The following DAAM1 variants were observed in gnomAD, a reference collection of about 807,000 sequenced individuals.
The protein encoded by DAAM1 is dishevelled associated activator of morphogenesis 1.
In DAAM1, 52 loss-of-function variants were observed where a neutral mutation model predicts 130.0. The observed-to-expected ratio is 0.40, with a 90% CI of 0.32 to 0.50. DAAM1 has a LOEUF of 0.50. DAAM1 is among the 20% of genes least tolerant of loss of function. The probability of loss-of-function intolerance (pLI) is 0.61; values close to 1 mark genes in which losing one functional copy is unlikely to be tolerated. For synonymous variants in DAAM1, 452 were observed against 444.5 expected, an observed-to-expected ratio of 1.02 and a Z score of -0.21; for missense variants, 1,134 against 1,303.8, an observed-to-expected ratio of 0.87 and a Z score of 2.01.
At chr14:59,337,006 C>A (rs986489631) in intron 15 of DAAM1, among the ~76,000 whole-genome samples, 1 of 152,170 alleles carries the variant, frequency 6.6e-6, no homozygotes, top group African/African-American at 2.4e-5. Context: ...CAGGCCTCTA[C>A]ACTAGAGGTC....
At chr14:59,190,874 G>A (rs1887711045) in intron 1 of DAAM1, among the ~76,000 whole-genome samples, 1 of 152,192 alleles carries the variant, frequency 6.6e-6, no homozygotes, top group African/African-American at 2.4e-5. Context: ...TGTGCCGTCA[G>A]GTTATATGGA....
chr14:59,231,585 G>A (rs1889108066), intron 1 of DAAM1, among the ~76,000 whole-genome samples: 1 of 152,128 alleles, frequency 6.6e-6, no homozygotes, highest in Non-Finnish European at 1.5e-5. Flanking sequence ...GACAGCCAGG[G>A]TTCAGATCTC....
At chr14:59,288,551 TC>T (rs1462082990) in intron 2 of DAAM1, among the ~76,000 whole-genome samples, 1 of 151,726 alleles carries the variant, frequency 6.6e-6, no homozygotes, top group African/African-American at 2.4e-5. Context: ...CTACAAGAAA[TC>T]AGCAAGCAAA....
chr14:59,310,262 G>A (rs565053463), intron 3 of DAAM1, among the ~76,000 whole-genome samples: 4 of 151,760 alleles, frequency 2.6e-5, no homozygotes, highest in East Asian at 1.9e-4. Flanking sequence ...GGCATGCGCC[G>A]CCATGCCCAG....
intron 3 of DAAM1, among the ~76,000 whole-genome samples, chr14:59,298,445 G>T (rs913091242): frequency 2.0e-5 from 3 of 152,082 alleles, no homozygotes; most frequent in African/African-American, 7.2e-5. Flanking sequence ...ACCTGTTTAG[G>T]CAATGACTCT....
chr14:59,195,750 G>GCCAACAA, intron 1 of DAAM1, among the ~76,000 whole-genome samples: 1 of 152,244 alleles, frequency 6.6e-6, no homozygotes, highest in South Asian at 2.1e-4. Context: ...TTCTGAGATA[G>GCCAACAA]GTTCTTATAT....
At chr14:59,272,310 G>C (rs1307448496) in intron 2 of DAAM1, among the ~76,000 whole-genome samples, 3 of 152,176 alleles carry the variant, frequency 2.0e-5, no homozygotes, top group Admixed American at 6.5e-5. Flanking sequence ...CAGGCACAGT[G>C]GCTCACACCT....
intron 23 of DAAM1, among the ~76,000 whole-genome samples, chr14:59,364,475 G>A (rs1334988959): frequency 6.6e-6 from 1 of 151,978 alleles, no homozygotes; most frequent in Non-Finnish European, 1.5e-5. Flanking sequence ...ATCTCAGGTT[G>A]TTTCCTCTTC....
chr14:59,256,254 G>A (rs1385736563), intron 1 of DAAM1, among the ~76,000 whole-genome samples: 2 of 152,162 alleles, frequency 1.3e-5, no homozygotes, highest in Admixed American at 1.3e-4. Flanking sequence ...AAAGTATTAG[G>A]GAGGGTTTTC....
intron 1 of DAAM1, among the ~76,000 whole-genome samples, chr14:59,248,083 A>C (rs1881473195): frequency 6.6e-6 from 1 of 152,232 alleles, no homozygotes; most frequent in Non-Finnish European, 1.5e-5. Context: ...CTGGCTTGGT[A>C]AGTGAGTAGG....
chr14:59,324,009 G>A, intron 6 of DAAM1, 119 bp from the exon 7 acceptor site: 1 of 564,196 alleles, frequency 1.8e-6, no homozygotes, highest in Non-Finnish European at 2.7e-6. Context: ...TCCAGCCTGG[G>A]CAACAGAGCA....
At chr14:59,193,054 A>AAAC (rs34240731) in intron 1 of DAAM1, among the ~76,000 whole-genome samples, 32,614 of 151,694 alleles carry the variant, frequency 0.21, 4,179 homozygotes, top group Non-Finnish European at 0.29. Flanking sequence ...CTCCGTCTCA[A>AAAC]AACAACAACA....
chr14:59,304,007 G>T (rs1884280188), intron 3 of DAAM1, among the ~76,000 whole-genome samples: 1 of 152,206 alleles, frequency 6.6e-6, no homozygotes, highest in African/African-American at 2.4e-5. Flanking sequence ...GTCCTTGAAA[G>T]CTCCTCTTAC....
intron 1 of DAAM1, among the ~76,000 whole-genome samples, chr14:59,261,840 CA>C (rs1488955242): frequency 3.3e-5 from 5 of 151,752 alleles, no homozygotes; most frequent in Non-Finnish European, 5.9e-5. Flanking sequence ...AACTTAAGAA[CA>C]AAAAAAAGTT....
intron 1 of DAAM1, among the ~76,000 whole-genome samples, chr14:59,228,655 G>T (rs1429652788): frequency 6.6e-6 from 1 of 152,140 alleles, no homozygotes; most frequent in Non-Finnish European, 1.5e-5. Context: ...CCAGAGAGTC[G>T]TATTTGTGTG....
chr14:59,354,008 A>G (rs778275051), intron 19 of DAAM1, 44 bp downstream of exon 19: 3 of 1,577,070 alleles, frequency 1.9e-6, no homozygotes, highest in South Asian at 2.3e-5. Flanking sequence ...TCATCATTAC[A>G]ACCCATTTAA....
chr14:59,191,085 A>G (rs1488050679), intron 1 of DAAM1, among the ~76,000 whole-genome samples: 1 of 152,158 alleles, frequency 6.6e-6, no homozygotes. Flanking sequence ...CTCTGCTTGC[A>G]TTTTATACCA....
At chr14:59,256,414 C>G (rs897580659) in intron 1 of DAAM1, among the ~76,000 whole-genome samples, 2 of 152,204 alleles carry the variant, frequency 1.3e-5, no homozygotes, top group Non-Finnish European at 2.9e-5. Flanking sequence ...TGACTTCTAG[C>G]TAGGCCACAG....
intron 1 of DAAM1, among the ~76,000 whole-genome samples, chr14:59,234,640 A>G (rs1889231991): frequency 2.0e-5 from 3 of 152,002 alleles, no homozygotes; most frequent in African/African-American, 2.4e-5. Context: ...CCTGATTGCC[A>G]TGGCCAGAAC....
Sources: allele counts gnomAD v4.1 joint callset (sites outside exome capture counted in the v4.1 genomes callset), GRCh38; gene constraint gnomAD v4.1.1; transcripts MANE v1.5; gene names NCBI Gene and HGNC (gene_info 2026-07-23, HGNC 2026-07-21).